Variants in TEDC2 observed in about 807,000 individuals in gnomAD.
TEDC2 encodes tubulin epsilon and delta complex protein 2.
TEDC2 carries 49 observed loss-of-function variants against 48.1 expected under a neutral mutation model. The ratio of observed to expected loss-of-function variants is 1.02; its 90% confidence interval spans 0.81 to 1.29. The LOEUF is 1.29. Among genes scored for constraint, TEDC2 ranks in the 50% most tolerant of loss-of-function variants. The probability of loss-of-function intolerance (pLI) is 0.00; values close to 1 mark genes in which losing one functional copy is unlikely to be tolerated. For missense variants in TEDC2, 631 were observed against 571.4 expected, an observed-to-expected ratio of 1.10 and a Z score of -1.06; for synonymous variants, 299 against 247.1, an observed-to-expected ratio of 1.21 and a Z score of -1.97.
intron 8 of TEDC2, 27 bp downstream of exon 8, chr16:2,462,759 C>A: frequency 6.6e-7 from 1 of 1,520,028 alleles, no homozygotes; most frequent in Non-Finnish European, 8.8e-7. Flanking sequence ...ACCCTGCCAC[C>A]TGCACTGAGG....
rs1596940184 is a variant in TEDC2, at chr16:2,462,676, A to G, written c.908A>G (p.Glu303Gly). 1 of 1,546,564 alleles carries G rather than the reference A, an allele frequency of 6.5e-7. No homozygotes were observed. The highest frequency in any genetic ancestry group is 1.2e-5 in the South Asian group (1 of 84,034). ...MQEYRCLLTL[E>G]GLQAMVGQCL... Reference sequence around the variant, plus strand: ...GAGTACCGCTGCCTGCTCACGCTGGAGGGGCTGCAGGCCATGGTGGGCCAG... The same window carrying G: ...GAGTACCGCTGCCTGCTCACGCTGGGGGGGCTGCAGGCCATGGTGGGCCAG... The change falls in exon 8 of 10, where the codon GAG (glutamate) becomes GGG (glycine). Residue 303 changes from glutamate (E) to glycine (G), a missense_variant. Transcript: ENST00000361837.
Position 2,464,469 on chromosome 16 carries a change from G to T in TEDC2, c.1156-53G>T. The T allele has an allele frequency of 5.3e-6, 8 of 1,499,748 alleles. No homozygotes were observed. The highest frequency in any genetic ancestry group is 2.4e-4 in the Middle Eastern group (1 of 4,096). The allele number at this position is 1,499,748 out of a possible 1,614,324, so 92.9% of individuals were successfully genotyped here. A position where few individuals can be genotyped will look rare whatever the true frequency, so the allele number is the denominator to read the frequency against. On this transcript the variant is annotated intron_variant, in intron 9 of 9. Coordinates refer to ENST00000361837, the MANE Select transcript of TEDC2 (RefSeq NM_025108.3). The stretch of plus-strand genomic sequence containing the variant: ...GGGCCTCGAAGCCTGTCCCAGGATT[G>T]CCCCCCGCCTAGGTGCCCCTGAGAC...
intron 5 of TEDC2, 26 bp downstream of exon 5, chr16:2,461,826 G>T (rs753278822): frequency 6.8e-6 from 11 of 1,613,058 alleles, no homozygotes; most frequent in Non-Finnish European, 7.6e-6. Flanking sequence ...TTGGCTGGAC[G>T]GGGGTAGGGG....
intron 9 of TEDC2, 104 bp from the exon 10 acceptor site, chr16:2,464,415 CAGA>C: frequency 7.3e-7 from 1 of 1,370,650 alleles, no homozygotes; most frequent in Non-Finnish European, 9.8e-7. Context: ...CCTGGAGCCT[CAGA>C]AGGAGGGAGG....
At chr16:2,462,857 G>T in intron 8 of TEDC2, 125 bp downstream of exon 8, 2 of 866,888 alleles carry the variant, frequency 2.3e-6, no homozygotes, top group Non-Finnish European at 3.5e-6. Flanking sequence ...AAGTTGGTGG[G>T]CCCCTCCACC....
At chr16:2,462,809 C>T (rs1182642077) in intron 8 of TEDC2, 77 bp downstream of exon 8, 36 of 1,355,164 alleles carry the variant, frequency 2.7e-5, no homozygotes, top group East Asian at 1.5e-4. Context: ...GGCTTGTCTG[C>T]GCCTCAGGGA....
rs75288442 is a variant in TEDC2 at position 2,460,827 on chromosome 16, A to C, written c.208A>C (p.Ser70Arg). 6.2e-7 allele frequency: 1 copy of C among 1,612,462 alleles called. No homozygotes were observed. The highest frequency in any genetic ancestry group is 1.3e-5 in the African/African-American group (1 of 75,018). ...CTTGGCTTTCACAGCATGCACACCC[A>C]GTCCACAAGACCTCAAAGAGTTGGA... is the stretch of plus-strand genomic sequence containing the variant. ...GEDPLPACTPSPQDLKELEFL... is the reference protein window; with the variant it reads ...GEDPLPACTPRPQDLKELEFL... The change falls in exon 4 of 10, where the codon AGT (serine) becomes CGT (arginine). Residue 70 changes from serine to arginine, a missense_variant. Physicochemically the swap from Ser to Arg is moderately radical, Grantham distance 110. Transcript: ENST00000361837.
intron 2 of TEDC2, 95 bp downstream of exon 2, chr16:2,460,476 AC>A: frequency 6.7e-7 from 1 of 1,502,100 alleles, no homozygotes; most frequent in African/African-American, 1.4e-5. Context: ...GCAGCCGCCC[AC>A]TTCGGAGCTG....
chr16:2,462,720 G>C lies in TEDC2; in HGVS notation c.952G>C (p.Glu318Gln), dbSNP rs2065474773. ...GGGCCAGTGTCTGCACAGGCTGCAG[G>C]AGCTGCGTGCAGGTGAGACCCCGCC... ...MVGQCLHRLQ[E>Q]LRAAVAEQPP... The change falls in exon 8 of 10, where the codon GAG becomes CAG. Residue 318 changes from glutamate (E) to glutamine (Q), a missense_variant. Glu to Gln is a conservative substitution (Grantham distance 29). Coordinates refer to ENST00000361837, the MANE Select transcript of TEDC2 (RefSeq NM_025108.3). The C allele has an allele frequency of 5.2e-6, 8 of 1,542,088 alleles. No individual in the cohort carries two copies. Among genetic ancestry groups the C allele is most frequent in the Non-Finnish European group, 7.0e-6 (8 of 1,146,228 alleles).
chr16:2,461,807 C>A lies in TEDC2; in HGVS notation c.659+7C>A. The A allele has an allele frequency of 6.2e-7, 1 of 1,613,512 alleles. No homozygotes were observed. Among genetic ancestry groups the A allele is most frequent in the Non-Finnish European group, 8.5e-7 (1 of 1,179,988 alleles). On this transcript the variant is annotated splice_region_variant and intron_variant, in intron 5 of 9. Transcript: ENST00000361837. ...CAGCTTCCCAGAACTCGAGGTGAGG[C>A]TGAGGTCTTTGGCTGGACGGGGGTA...
intron 8 of TEDC2, among the ~76,000 whole-genome samples, chr16:2,463,057 C>G (rs1407253691): frequency 2.0e-5 from 3 of 152,240 alleles, no homozygotes; most frequent in South Asian, 2.1e-4. Flanking sequence ...CGCGGTGGCT[C>G]ACGCCTGTAA....
chr16:2,462,043 TG>T, intron 5 of TEDC2, 105 bp from the exon 6 acceptor site: 1 of 1,310,282 alleles, frequency 7.6e-7, no homozygotes, highest in Non-Finnish European at 1.1e-6. Context: ...ACGCCCAGCC[TG>T]GGGTCCCCAC....
chr16:2,461,733 G>A lies in TEDC2; in HGVS notation c.606-14G>A. 7 of 1,613,214 alleles carry A rather than the reference G, an allele frequency of 4.3e-6. No homozygotes were observed. The highest frequency in any genetic ancestry group is 5.9e-6 in the Non-Finnish European group (7 of 1,179,958). ...GCAAGGCGATGCTCCTCTGAACACG[G>A]GCTTCTCCGACAGGCACCTGCTGCG... is the stretch of plus-strand genomic sequence containing the variant. On this transcript the variant is annotated splice_polypyrimidine_tract_variant and intron_variant, in intron 4 of 9. Transcript: ENST00000361837.
chr16:2,460,191 G>A (rs1332788344), intron 1 of TEDC2, 21 bp downstream of exon 1: 2 of 1,405,744 alleles, frequency 1.4e-6, no homozygotes, highest in Non-Finnish European at 9.1e-7. Flanking sequence ...CGCGGCAGGA[G>A]GGGGTGGGAG....
chr16:2,460,509 C>T (rs2065459096), intron 2 of TEDC2, 114 bp from the exon 3 acceptor site: 23 of 1,520,910 alleles, frequency 1.5e-5, no homozygotes, highest in Non-Finnish European at 2.0e-5. Flanking sequence ...TGCCACCCTC[C>T]TTACCCTGCA....
At chr16:2,462,347 C>T (rs552844331) in intron 6 of TEDC2, 68 bp from the exon 7 acceptor site, 4 of 1,603,756 alleles carry the variant, frequency 2.5e-6, no homozygotes, top group East Asian at 4.5e-5. Context: ...GGGCCACTCC[C>T]CAGGCCCCGT....
In TEDC2 at chr16:2,461,038, A is replaced by G. The variant is rs556579958; in HGVS notation, c.419A>G (p.Lys140Arg). 3.1e-6 allele frequency: 5 copies of G among 1,611,260 alleles called. No individual in the cohort carries two copies. In the East Asian group the frequency reaches 6.7e-5, roughly 22 times the overall value. Residue 140 changes from lysine to arginine, a missense_variant, in exon 4 of 10, where the codon AAG becomes AGG. Lys to Arg is a conservative substitution (Grantham distance 26). Transcript: ENST00000361837. ...CATGCTTCAGACACGAGACCCACCA[A>G]GGGCCTCCGCCAGACCACGGTGCCT... Reference protein sequence around the residue: ...GGHASDTRPTKGLRQTTVPAK... With the variant: ...GGHASDTRPTRGLRQTTVPAK...
intron 8 of TEDC2, 176 bp from the exon 9 acceptor site, chr16:2,463,863 C>A (rs992680841): frequency 1.5e-6 from 1 of 669,322 alleles, no homozygotes; most frequent in Non-Finnish European, 2.5e-6. Context: ...ACAGAGGACT[C>A]CCTGCCAGCA....
rs933471798 is a variant in TEDC2, at chr16:2,462,408, T to C, written c.751-7T>C. 8.7e-6 allele frequency: 14 copies of C among 1,611,572 alleles called. No homozygotes were observed. The highest frequency in any genetic ancestry group is 1.3e-5 in the African/African-American group (1 of 74,840). The stretch of plus-strand genomic sequence containing the variant: ...GCTGCAGGGAAGTTTTCCTGACCCA[T>C]ATCCAGTCAGGCGGGCCCCAGCCCA... On this transcript the variant is annotated splice_region_variant and splice_polypyrimidine_tract_variant and intron_variant, in intron 6 of 9. Coordinates refer to ENST00000361837, the MANE Select transcript of TEDC2 (RefSeq NM_025108.3).
Sources: gnomAD v4.1 joint callset for allele counts (sites outside exome capture counted in the v4.1 genomes callset) on GRCh38, gnomAD v4.1.1 for gene constraint, MANE v1.5 for transcripts, NCBI Gene and HGNC (gene_info 2026-07-23, HGNC 2026-07-21) for gene names.